The following DENND1A variants were observed in gnomAD, a reference collection of about 807,000 sequenced individuals.
The protein encoded by DENND1A is DENN domain-containing protein 1A.
A neutral mutation model predicts 113.7 loss-of-function variants in DENND1A; 51 were observed. The ratio of observed to expected loss-of-function variants is 0.45; its 90% confidence interval spans 0.36 to 0.57. DENND1A has a LOEUF of 0.57. DENND1A is among the 20% of genes least tolerant of loss of function. The pLI is 0.00. For synonymous variants in DENND1A, 565 were observed against 570.8 expected (o/e 0.99, Z 0.14); for missense variants, 1,258 against 1,395.9 (o/e 0.90, Z 1.57).
intron 13 of DENND1A, among the ~76,000 whole-genome samples, chr9:123,519,391 A>G (rs1315323503): frequency 1.3e-5 from 2 of 150,970 alleles, no homozygotes; most frequent in East Asian, 3.9e-4. Flanking sequence ...CATGAGGCTG[A>G]CTCTTTCAGA....
intron 5 of DENND1A, among the ~76,000 whole-genome samples, chr9:123,692,971 C>G (rs2065272799): frequency 6.6e-6 from 1 of 152,152 alleles, no homozygotes; most frequent in African/African-American, 2.4e-5. Context: ...GTGACTTGCT[C>G]AAGATCACCA....
intron 13 of DENND1A, among the ~76,000 whole-genome samples, chr9:123,507,123 G>A (rs557733867): frequency 6.8e-4 from 103 of 152,154 alleles, no homozygotes; most frequent in African/African-American, 2.4e-3. Context: ...TGGGAGATGG[G>A]GGTTGCAGTG....
At position 123,491,423 on chromosome 9, in the gene DENND1A, T is replaced by A. The variant is rs568509282; in HGVS notation, c.994-33526A>T. 1.6e-4 allele frequency among the ~76,000 whole-genome samples: 24 copies of A among 152,360 alleles called. No individual in the cohort carries two copies. In the South Asian group the frequency reaches 3.1e-3, roughly 20 times the overall value. ...TAGTCTTCTGGGAGGTCAAGGCTTG[T>A]TCTGGCCAGCCTCACAGGTAATTCC... On this transcript the variant is annotated intron_variant, in intron 13 of 23. Coordinates refer to ENST00000394215, the MANE Select transcript of DENND1A (RefSeq NM_001352964.2).
chr9:123,599,473 T>C (rs1422425609), intron 11 of DENND1A, among the ~76,000 whole-genome samples: 1 of 152,228 alleles, frequency 6.6e-6, no homozygotes, highest in Non-Finnish European at 1.5e-5. Flanking sequence ...ATTTTATTCA[T>C]AATAATAGCT....
chr9:123,585,534 C>T (rs1039685234), intron 11 of DENND1A, among the ~76,000 whole-genome samples: 2 of 152,226 alleles, frequency 1.3e-5, no homozygotes, highest in East Asian at 3.8e-4. Context: ...CATGAGAATG[C>T]TGAGATTCAC....
intron 5 of DENND1A, among the ~76,000 whole-genome samples, chr9:123,749,294 G>A (rs1307767700): frequency 6.6e-6 from 1 of 152,214 alleles, no homozygotes; most frequent in African/African-American, 2.4e-5. Context: ...AGTTCATTCT[G>A]CAAGGGCAAA....
At chr9:123,560,689 CAAAA>C (rs202038661) in intron 12 of DENND1A, among the ~76,000 whole-genome samples, 1 of 110,738 alleles carries the variant, frequency 9.0e-6, no homozygotes. Flanking sequence ...GACCCTGTCT[CAAAA>C]AAAAAAAAAA....
At chr9:123,498,871 C>T (rs921650021) in intron 13 of DENND1A, among the ~76,000 whole-genome samples, 1 of 151,982 alleles carries the variant, frequency 6.6e-6, no homozygotes, top group Non-Finnish European at 1.5e-5. Flanking sequence ...TACAGGCACA[C>T]ACCCCCATGC....
chr9:123,398,352 A>G (rs1588321694), intron 21 of DENND1A, among the ~76,000 whole-genome samples: 1 of 151,208 alleles, frequency 6.6e-6, no homozygotes, highest in South Asian at 2.1e-4. Context: ...TGCCTTTCAG[A>G]GCCTGCCATT....
chr9:123,602,366 A>G (rs566411370), intron 11 of DENND1A, among the ~76,000 whole-genome samples: 1 of 152,276 alleles, frequency 6.6e-6, no homozygotes, highest in South Asian at 2.1e-4. Flanking sequence ...ATTCTTTCAT[A>G]TATTTTTTTC....
chr9:123,862,476 T>C (rs1219439659), intron 2 of DENND1A, among the ~76,000 whole-genome samples: 2 of 152,120 alleles, frequency 1.3e-5, no homozygotes, highest in East Asian at 1.9e-4. Context: ...AAGTAAAACA[T>C]AGAAGCAAGT....
At chr9:123,595,039 G>C (rs1190178113) in intron 11 of DENND1A, among the ~76,000 whole-genome samples, 1 of 152,200 alleles carries the variant, frequency 6.6e-6, no homozygotes, top group Non-Finnish European at 1.5e-5. Flanking sequence ...AGCAGTTGAT[G>C]AACGCAGTGG....
At chr9:123,457,260 G>A in intron 15 of DENND1A, 88 bp downstream of exon 15, 1 of 1,007,804 alleles carries the variant, frequency 9.9e-7, no homozygotes, top group Non-Finnish European at 1.6e-6. Context: ...CCCCAATAAA[G>A]GAAAAGCAAG....
chr9:123,711,518 T>TATATATATATATATAC, intron 5 of DENND1A, among the ~76,000 whole-genome samples: 1 of 85,970 alleles, frequency 1.2e-5, no homozygotes, highest in Admixed American at 1.0e-4. Context: ...TATATGTATA[T>TATATATATATATATAC]ATATATATAT....
intron 11 of DENND1A, among the ~76,000 whole-genome samples, chr9:123,590,823 A>T (rs374594457): frequency 4.1e-4 from 63 of 152,288 alleles, no homozygotes; most frequent in African/African-American, 1.2e-3. Context: ...AAGTTGATAA[A>T]CATATTAGCA....
chr9:123,505,992 A>G (rs868619052), intron 13 of DENND1A, among the ~76,000 whole-genome samples: 1 of 151,928 alleles, frequency 6.6e-6, no homozygotes, highest in Non-Finnish European at 1.5e-5. Flanking sequence ...TGCCCCCTTC[A>G]TGCGCCTGAG....
intron 8 of DENND1A, among the ~76,000 whole-genome samples, chr9:123,660,543 G>C (rs1313495292): frequency 1.1e-4 from 17 of 150,954 alleles, no homozygotes; most frequent in Admixed American, 1.1e-3. Context: ...AAGTTCTTAA[G>C]AAATTATTTA....
At chr9:123,691,056 C>T (rs1460134812) in intron 5 of DENND1A, among the ~76,000 whole-genome samples, 1 of 152,180 alleles carries the variant, frequency 6.6e-6, no homozygotes, top group Non-Finnish European at 1.5e-5. Flanking sequence ...AAGACAGCAA[C>T]CCTCCCTTAT....
intron 2 of DENND1A, among the ~76,000 whole-genome samples, chr9:123,858,379 T>C (rs945698635): frequency 6.6e-6 from 1 of 152,222 alleles, no homozygotes; most frequent in African/African-American, 2.4e-5. Context: ...ACTTTGATAT[T>C]GTTTAAAATC....
Sources: gnomAD v4.1 joint callset for allele counts (sites outside exome capture counted in the v4.1 genomes callset) on GRCh38, gnomAD v4.1.1 for gene constraint, MANE v1.5 for transcripts, NCBI Gene and HGNC (gene_info 2026-07-23, HGNC 2026-07-21) for gene names.